CELF4: variants seen among roughly 807,000 people sequenced by gnomAD.
The protein encoded by CELF4 is CUG-BP- and ETR-3-like factor 4.
Under a neutral mutation model 59.9 loss-of-function variants are expected in CELF4, and 18 were observed. The ratio of observed to expected loss-of-function variants is 0.30; its 90% CI spans 0.21 to 0.45. CELF4 has a LOEUF of 0.45. Ranked by LOEUF, CELF4 falls within the 20% of genes least tolerant of loss-of-function variation. The pLI is 1.00. For missense variants in CELF4, 456 were observed against 689.0 expected, an observed-to-expected ratio of 0.66 and a Z score of 3.79; for synonymous variants, 261 against 267.1, an observed-to-expected ratio of 0.98 and a Z score of 0.22.
chr18:37,560,698 C>T (rs2099986273), intron 1 of CELF4, among the ~76,000 whole-genome samples: 1 of 152,088 alleles, frequency 6.6e-6, no homozygotes. Flanking sequence ...TAATTGAGCT[C>T]ATGCCCATGC....
At chr18:37,357,078 C>A (rs775067492) in intron 2 of CELF4, among the ~76,000 whole-genome samples, 2 of 152,194 alleles carry the variant, frequency 1.3e-5, no homozygotes, top group African/African-American at 4.8e-5. Flanking sequence ...GCCTGAAATG[C>A]CCATGGGGAC....
At chr18:37,522,714 G>A (rs1427774540) in intron 1 of CELF4, among the ~76,000 whole-genome samples, 6 of 152,158 alleles carry the variant, frequency 3.9e-5, no homozygotes, top group Non-Finnish European at 1.5e-5. Context: ...CCTCCTAACA[G>A]GGCAGCAGAG....
chr18:37,550,736 C>T (rs1456495447), intron 1 of CELF4, among the ~76,000 whole-genome samples: 1 of 152,190 alleles, frequency 6.6e-6, no homozygotes, highest in Non-Finnish European at 1.5e-5. Context: ...GCCGGGCAGA[C>T]CTCTGCTGCC....
Position 37,335,482 on chromosome 18 carries a change from A to AGTGT in CELF4, c.370-13605_370-13602dup, listed in dbSNP as rs55853220. Among the ~76,000 whole-genome samples the AGTGT allele has an allele frequency of 7.3e-3, 1,050 of 144,260 alleles. 11 individuals carry two copies. The highest frequency in any genetic ancestry group is 0.024 in the African/African-American group (933 of 39,438). The allele number at this position is 144,260 out of a possible 152,430, so 94.6% of individuals were successfully genotyped here. A position where few individuals can be genotyped will look rare whatever the true frequency, so the allele number is the denominator to read the frequency against. ...TGTGAGTATGCATGTCAGTGCATGC[A>AGTGT]GTGTGTGTGTGTGTGTGTGTGTGTG... On this transcript the variant is annotated intron_variant, in intron 2 of 12. Transcript: ENST00000420428.
intron 10 of CELF4, among the ~76,000 whole-genome samples, chr18:37,263,924 T>A (rs2076152498): frequency 6.6e-6 from 1 of 152,006 alleles, no homozygotes; most frequent in Non-Finnish European, 1.5e-5. Flanking sequence ...CCATGAGCAC[T>A]CCTACTTCTC....
At chr18:37,543,879 G>A (rs1034926901) in intron 1 of CELF4, among the ~76,000 whole-genome samples, 41 of 152,314 alleles carry the variant, frequency 2.7e-4, no homozygotes, top group Admixed American at 2.0e-4. Context: ...GCTGGGCAGG[G>A]AGGCTGAAGC....
rs34710638 is a variant in CELF4 at position 37,321,085 on chromosome 18, T to TG, written c.448+717dup. On this transcript the variant is annotated intron_variant, in intron 3 of 12. Transcript: ENST00000420428. ...GCCCTGGTTAACCCTGTGGCTGGGATGGGGGGGGCAGTACAGACACACAGG... is the reference window on the plus strand; with the variant it reads ...GCCCTGGTTAACCCTGTGGCTGGGATGGGGGGGGGCAGTACAGACACACAGG... Among the ~76,000 whole-genome samples, 81 of 151,734 alleles carry TG rather than the reference T, an allele frequency of 5.3e-4. No homozygotes were observed. The East Asian group carries it at 7.8e-3, about 15-fold the overall frequency.
chr18:37,274,681 G>GC, intron 5 of CELF4, 124 bp downstream of exon 5: 1 of 1,481,764 alleles, frequency 6.7e-7, no homozygotes, highest in Admixed American at 2.4e-5. Context: ...CCTTGTCTGA[G>GC]GCCCGGAATA....
chr18:37,480,461 A>G (rs1277133693), intron 2 of CELF4, among the ~76,000 whole-genome samples: 1 of 152,228 alleles, frequency 6.6e-6, no homozygotes, highest in Non-Finnish European at 1.5e-5. Flanking sequence ...ATTCGTCTTT[A>G]GTTTCTGTTA....
chr18:37,244,010 G>T lies in CELF4; in HGVS notation c.*1232C>A. 1 of 163,874 alleles carries T rather than the reference G, an allele frequency of 6.1e-6. No homozygotes were observed. The highest frequency in any genetic ancestry group is 1.8e-4 in the South Asian group (1 of 5,562). 10.2% of individuals were successfully genotyped at this position (163,874 alleles called of 1,614,324 possible). A position where few individuals can be genotyped will look rare whatever the true frequency, so the allele number is the denominator to read the frequency against. On this transcript the variant is annotated 3_prime_UTR_variant, in exon 13 of 13. Coordinates refer to ENST00000420428, the MANE Select transcript of CELF4 (RefSeq NM_020180.4). ...CCAGGCGCCCGCAGGTGTGGGGCGA[G>T]TTCGGCCTGGCCCTTGGGGACAACG...
intron 2 of CELF4, among the ~76,000 whole-genome samples, chr18:37,372,995 C>T (rs1314788374): frequency 6.6e-6 from 1 of 152,168 alleles, no homozygotes; most frequent in African/African-American, 2.4e-5. Flanking sequence ...ATTCAACAAC[C>T]GACACCCTTA....
rs1391536515 is a variant in CELF4, at chr18:37,440,085, T to C, written c.369+45440A>G. On this transcript the variant is annotated intron_variant, in intron 2 of 12. Transcript: ENST00000420428. ...CTCAGCCTTGGAGCCATTAGCCATG[T>C]GACTCTGTCTGGTTAGAATGAGTAA... is the stretch of plus-strand genomic sequence containing the variant. Among the ~76,000 whole-genome samples, 3 of 152,206 alleles carry C rather than the reference T, an allele frequency of 2.0e-5. No individual in the cohort carries two copies. In the East Asian group the frequency reaches 5.8e-4, roughly 29 times the overall value.
At chr18:37,478,867 G>C (rs1333114553) in intron 2 of CELF4, among the ~76,000 whole-genome samples, 1 of 152,214 alleles carries the variant, frequency 6.6e-6, no homozygotes, top group Non-Finnish European at 1.5e-5. Context: ...TGAAGGTCCT[G>C]TTTGGCTGGA....
At chr18:37,299,034 G>A (rs2095844406) in intron 3 of CELF4, among the ~76,000 whole-genome samples, 1 of 152,210 alleles carries the variant, frequency 6.6e-6, no homozygotes, top group Non-Finnish European at 1.5e-5. Flanking sequence ...ATGAAATGCT[G>A]CTTCAGTTCC....
chr18:37,487,677 G>A (rs2099884101), intron 1 of CELF4, among the ~76,000 whole-genome samples: 1 of 152,190 alleles, frequency 6.6e-6, no homozygotes, highest in Admixed American at 6.5e-5. Context: ...CCAGGAGGTG[G>A]CCACTGCCTC....
intron 1 of CELF4, among the ~76,000 whole-genome samples, chr18:37,499,261 G>A (rs540832890): frequency 6.6e-6 from 1 of 152,326 alleles, no homozygotes; most frequent in East Asian, 1.9e-4. Flanking sequence ...ACAGGAGGCG[G>A]TAATGAGCTG....
intron 2 of CELF4, among the ~76,000 whole-genome samples, chr18:37,413,489 C>A (rs2099493547): frequency 6.6e-6 from 1 of 152,170 alleles, no homozygotes; most frequent in Admixed American, 6.5e-5. Context: ...ACAGGCCACA[C>A]AGGAAATGAG....
chr18:37,503,009 G>A (rs2099933563), intron 1 of CELF4, among the ~76,000 whole-genome samples: 2 of 152,222 alleles, frequency 1.3e-5, no homozygotes, highest in Admixed American at 1.3e-4. Context: ...TCGGGTGGGT[G>A]CATCATCACA....
intron 1 of CELF4, among the ~76,000 whole-genome samples, chr18:37,523,130 C>A (rs752371689): frequency 5.9e-5 from 9 of 152,128 alleles, no homozygotes; most frequent in Admixed American, 1.3e-4. Flanking sequence ...GGCTGGGCAC[C>A]CGGCTGGGCA....
Sources: allele counts gnomAD v4.1 joint callset (sites outside exome capture counted in the v4.1 genomes callset), GRCh38; gene constraint gnomAD v4.1.1; transcripts MANE v1.5; gene names NCBI Gene and HGNC (gene_info 2026-07-23, HGNC 2026-07-21).